Variants in SAMD8 observed in about 807,000 individuals in gnomAD.
SAMD8 encodes the protein sterile alpha motif domain containing 8, also known as sphingomyelin synthase-related protein 1.
In SAMD8, 20 loss-of-function variants were observed where a neutral mutation model predicts 42.0. The ratio of observed to expected loss-of-function variants is 0.48; its 90% CI spans 0.34 to 0.69. The LOEUF is 0.69. Among genes scored for constraint, SAMD8 ranks in the 30% least tolerant of loss-of-function variants. SAMD8 has a pLI of 0.01. For missense variants in SAMD8, 328 were observed against 511.6 expected (o/e 0.64, Z 3.46); for synonymous variants, 162 against 173.0 (o/e 0.94, Z 0.50).
intron 2 of SAMD8, among the ~76,000 whole-genome samples, chr10:75,158,990 T>C (rs1270565418): frequency 6.6e-6 from 1 of 152,232 alleles, no homozygotes; most frequent in African/African-American, 2.4e-5. Flanking sequence ...TTCTACTTTT[T>C]GGCTATTATT....
chr10:75,135,829 C>CA (rs879698805), intron 1 of SAMD8, among the ~76,000 whole-genome samples: 90 of 133,504 alleles, frequency 6.7e-4, no homozygotes, highest in Middle Eastern at 3.8e-3. Flanking sequence ...CCGTCCGTAT[C>CA]AAAAAAAAAA....
chr10:75,102,693 C>T (rs1266402381), intron 1 of SAMD8, among the ~76,000 whole-genome samples: 1 of 152,134 alleles, frequency 6.6e-6, no homozygotes, highest in Non-Finnish European at 1.5e-5. Flanking sequence ...TGGCTCATGC[C>T]TGTAATCCTA....
rs113478061 is a variant in SAMD8 at position 75,101,841 on chromosome 10, C to T, written c.-16+2113C>T. ...CATGCTCAGGGACCACATCCTACCC[C>T]CCCCAAATTAGGAGCACTCACCCAC... On this transcript the variant is annotated intron_variant, in intron 1 of 3. Transcript: ENST00000447533. 25 of 1,358,662 alleles carry T rather than the reference C, an allele frequency of 1.8e-5. No homozygotes were observed. The South Asian group carries it at 2.2e-4, about 12-fold the overall frequency. 84.2% of individuals were successfully genotyped at this position (1,358,662 alleles called of 1,614,324 possible). A position where few individuals can be genotyped will look rare whatever the true frequency, so the allele number is the denominator to read the frequency against.
In SAMD8 at chr10:75,149,686, T is replaced by C. The variant is rs535453041; in HGVS notation, c.-15-828T>C. Reference sequence around the variant, plus strand: ...CCCAGGTGGGGAGATACGTTTTCCATGAACATGGAGATTTCAGAAATCGGA... The same window carrying C: ...CCCAGGTGGGGAGATACGTTTTCCACGAACATGGAGATTTCAGAAATCGGA... On this transcript the variant is annotated intron_variant, in intron 1 of 5. Coordinates refer to ENST00000542569, the MANE Select transcript of SAMD8 (RefSeq NM_001174156.2). Among the ~76,000 whole-genome samples the C allele has an allele frequency of 9.8e-5, 15 of 152,344 alleles. No individual in the cohort carries two copies. In the East Asian group the frequency reaches 1.7e-3, roughly 18 times the overall value.
At chr10:75,166,377 T>C (rs1296432498) in intron 3 of SAMD8, among the ~76,000 whole-genome samples, 2 of 149,788 alleles carry the variant, frequency 1.3e-5, no homozygotes, top group African/African-American at 5.0e-5. Flanking sequence ...ACTGTAGATA[T>C]GTGAGCTTTT....
At chr10:75,108,253 G>T, upstream of SAMD8, 2 of 1,549,674 alleles carry the variant, frequency 1.3e-6, no homozygotes, top group South Asian at 1.2e-5. Flanking sequence ...CAAGCCATGG[G>T]ACCAGGAGGG....
At chr10:75,167,966 T>C (rs1840730734) in intron 3 of SAMD8, among the ~76,000 whole-genome samples, 1 of 152,198 alleles carries the variant, frequency 6.6e-6, no homozygotes, top group South Asian at 2.1e-4. Flanking sequence ...TTGTCTTCTG[T>C]CTTGTATAAC....
chr10:75,170,346 A>G (rs1840820915), intron 4 of SAMD8, among the ~76,000 whole-genome samples: 1 of 152,184 alleles, frequency 6.6e-6, no homozygotes, highest in African/African-American at 2.4e-5. Flanking sequence ...CTGCAATATC[A>G]TAGCTGAAAT....
Position 75,175,515 on chromosome 10 carries a change from C to CATTTATTT in SAMD8, c.793-530_793-523dup, listed in dbSNP as rs549084623. Among the ~76,000 whole-genome samples the CATTTATTT allele has an allele frequency of 2.0e-3, 304 of 151,676 alleles. 1 individual carries two copies. Among genetic ancestry groups the CATTTATTT allele is most frequent in the African/African-American group, 6.4e-3 (264 of 41,282 alleles). Reference sequence around the variant, plus strand: ...AAAGGAGTTCATGTTACAGTGATTTCATTTATTTATTTATTTATTTATTTA... The same window carrying CATTTATTT: ...AAAGGAGTTCATGTTACAGTGATTTCATTTATTTATTTATTTATTTATTTATTTATTTA... On this transcript the variant is annotated intron_variant, in intron 4 of 5. Coordinates refer to ENST00000542569, the MANE Select transcript of SAMD8 (RefSeq NM_001174156.2).
At chr10:75,165,494 C>G (rs1340439374) in intron 3 of SAMD8, among the ~76,000 whole-genome samples, 4 of 151,212 alleles carry the variant, frequency 2.6e-5, no homozygotes, top group African/African-American at 9.7e-5. Flanking sequence ...CACGGTGAAA[C>G]CCTGTCTCTA....
intron 1 of SAMD8, 77 bp from the exon 2 acceptor site, chr10:75,150,437 T>C: frequency 6.6e-7 from 1 of 1,507,400 alleles, no homozygotes; most frequent in Non-Finnish European, 8.8e-7. Context: ...TCTGGTGTAT[T>C]TATGTGTGTT....
At chr10:75,156,073 G>A (rs192569840) in intron 2 of SAMD8, among the ~76,000 whole-genome samples, 123 of 152,184 alleles carry the variant, frequency 8.1e-4, no homozygotes, top group African/African-American at 2.9e-3. Flanking sequence ...AGCTAGGTGC[G>A]GTGGTGTATG....
chr10:75,107,950 G>A (rs1016829571), upstream of SAMD8: 3 of 1,567,692 alleles, frequency 1.9e-6, no homozygotes, highest in Middle Eastern at 1.7e-4. Flanking sequence ...TCCTCCCCAT[G>A]AATGAGCAAG....
At chr10:75,139,339 A>G (rs1839965370) in intron 1 of SAMD8, among the ~76,000 whole-genome samples, 5 of 152,158 alleles carry the variant, frequency 3.3e-5, no homozygotes, top group Admixed American at 3.3e-4. Flanking sequence ...GTGTAATAAG[A>G]GTTAGTATTT....
chr10:75,126,340 C>T (rs1849133138), intron 1 of SAMD8, among the ~76,000 whole-genome samples: 2 of 152,166 alleles, frequency 1.3e-5, no homozygotes, highest in South Asian at 2.1e-4. Context: ...AATTATGACT[C>T]TCTTTAATAT....
chr10:75,124,370 T>G (rs1849077751), intron 1 of SAMD8, among the ~76,000 whole-genome samples: 1 of 152,106 alleles, frequency 6.6e-6, no homozygotes. Context: ...CCCAGCACTT[T>G]GGGAGGCCAA....
chr10:75,166,893 T>C (rs1840695259), intron 3 of SAMD8, among the ~76,000 whole-genome samples: 2 of 152,240 alleles, frequency 1.3e-5, no homozygotes, highest in Non-Finnish European at 2.9e-5. Context: ...AAAGTGTTTG[T>C]ACCACTTTCA....
intron 1 of SAMD8, among the ~76,000 whole-genome samples, chr10:75,146,936 T>C (rs1217654626): frequency 6.6e-6 from 1 of 152,198 alleles, no homozygotes; most frequent in Non-Finnish European, 1.5e-5. Flanking sequence ...TTAACTATTA[T>C]ATAGTAGCAT....
At chr10:75,143,952 A>G (rs1840076300) in intron 1 of SAMD8, among the ~76,000 whole-genome samples, 1 of 148,958 alleles carries the variant, frequency 6.7e-6, no homozygotes, top group South Asian at 2.1e-4. Context: ...ATACAACCAA[A>G]TTTATAATTT....
Sources: gnomAD v4.1 joint callset for allele counts (sites outside exome capture counted in the v4.1 genomes callset) on GRCh38, gnomAD v4.1.1 for gene constraint, MANE v1.5 for transcripts, NCBI Gene and HGNC (gene_info 2026-07-23, HGNC 2026-07-21) for gene names.